Variants in KCNIP2 observed in about 807,000 individuals in gnomAD.
KCNIP2 encodes the protein A-type potassium channel modulatory protein KCNIP2.
Under a neutral mutation model 39.0 loss-of-function variants are expected in KCNIP2, and 19 were observed. That is an observed-to-expected ratio of 0.49 (90% CI 0.34 to 0.71). KCNIP2 has a LOEUF of 0.71. Ranked by LOEUF, KCNIP2 falls within the 30% of genes least tolerant of loss-of-function variation. KCNIP2 has a pLI of 0.01. For synonymous variants in KCNIP2, 111 were observed against 131.2 expected, an observed-to-expected ratio of 0.85 and a Z score of 1.05; for missense variants, 261 against 346.0, an observed-to-expected ratio of 0.75 and a Z score of 1.95.
At chr10:101,830,015 C>G (rs560298441) in intron 2 of KCNIP2, 118 bp from the exon 3 acceptor site, 5 of 1,178,692 alleles carry the variant, frequency 4.2e-6, no homozygotes, top group Non-Finnish European at 4.8e-6. Context: ...GCACACCCAA[C>G]CAGCACAGAC....
Position 101,828,887 on chromosome 10 carries a change from T to G in KCNIP2, c.348+188A>C. ...ACAAATAAAAAACATGGAACGAAACTGACAGTCTACAGGCGCCACTTCCGT... is the reference window on the plus strand; with the variant it reads ...ACAAATAAAAAACATGGAACGAAACGGACAGTCTACAGGCGCCACTTCCGT... On this transcript the variant is annotated intron_variant, in intron 4 of 9. Coordinates refer to ENST00000356640, the MANE Select transcript of KCNIP2 (RefSeq NM_173191.3). This position sits in a 1 kb window ranked among gnomAD's most constrained non-coding sequence, Gnocchi z 6.6. 1 of 1,541,846 alleles carries G rather than the reference T, an allele frequency of 6.5e-7. No individual in the cohort carries two copies. Among genetic ancestry groups the G allele is most frequent in the Non-Finnish European group, 8.7e-7 (1 of 1,142,910 alleles).
chr10:101,829,993 G>A (rs978354239), intron 2 of KCNIP2, 96 bp from the exon 3 acceptor site: 5 of 1,430,230 alleles, frequency 3.5e-6, no homozygotes, highest in Non-Finnish European at 4.8e-6. Flanking sequence ...TCACAACCCA[G>A]CCCGTGCAAA....
chr10:101,837,782 G>A (rs1589876219), intron 1 of KCNIP2, among the ~76,000 whole-genome samples: 1 of 152,168 alleles, frequency 6.6e-6, no homozygotes, highest in East Asian at 1.9e-4. Flanking sequence ...AGGGCCTACA[G>A]CTTAGTTTAG....
Position 101,828,786 on chromosome 10 carries a change from G to A in KCNIP2, c.349-90C>T. 1 of 1,609,174 alleles carries A rather than the reference G, an allele frequency of 6.2e-7. No homozygotes were observed. Among genetic ancestry groups the A allele is most frequent in the African/African-American group, 1.3e-5 (1 of 74,920 alleles). ...CTCCATGGCCCAAGACTCCCAGGGA[G>A]GGGGATAATCTTCAAGCCTCCAGAG... On this transcript the variant is annotated intron_variant, in intron 4 of 9. Coordinates refer to ENST00000356640, the MANE Select transcript of KCNIP2 (RefSeq NM_173191.3). This position sits in a 1 kb window ranked among gnomAD's most constrained non-coding sequence, Gnocchi z 6.6.
chr10:101,840,545 C>A, intron 1 of KCNIP2, among the ~76,000 whole-genome samples: 1 of 27,838 alleles, frequency 3.6e-5, no homozygotes, highest in Non-Finnish European at 7.1e-5. Flanking sequence ...AAGAGCCCCC[C>A]CCGCACCCCC....
At chr10:101,842,568 G>T (rs1343056160) in intron 1 of KCNIP2, among the ~76,000 whole-genome samples, 3 of 152,236 alleles carry the variant, frequency 2.0e-5, no homozygotes, top group Admixed American at 6.5e-5. Flanking sequence ...TTGGTGTGGG[G>T]AGAGAGGGCT....
rs1220005233 is a variant in KCNIP2 at position 101,828,377 on chromosome 10, C to T, written c.489+12G>A. 21 of 1,614,056 alleles carry T rather than the reference C, an allele frequency of 1.3e-5. No homozygotes were observed. The highest frequency in any genetic ancestry group is 1.6e-4 in the Middle Eastern group (1 of 6,062). On this transcript the variant is annotated intron_variant, in intron 6 of 9. Transcript: ENST00000356640. The surrounding 1 kb of genome is among the most constrained non-coding windows in gnomAD (Gnocchi z 6.6). Reference sequence around the variant, plus strand: ...GGAAACAGGCTTCCCTGGCCCACCTCGCCCAGCTCACCTCAAAACTGACCG... The same window carrying T: ...GGAAACAGGCTTCCCTGGCCCACCTTGCCCAGCTCACCTCAAAACTGACCG...
At chr10:101,830,282 A>C in intron 2 of KCNIP2, 2 of 734,920 alleles carry the variant, frequency 2.7e-6, no homozygotes, top group Non-Finnish European at 3.9e-6. Context: ...TGGCACAGAA[A>C]ACCCAAATAC....
At chr10:101,827,439 GA>G in intron 9 of KCNIP2, 39 bp from the exon 10 acceptor site, 1 of 1,580,852 alleles carries the variant, frequency 6.3e-7, no homozygotes, top group Non-Finnish European at 8.7e-7. Flanking sequence ...TGAAGAGAGA[GA>G]AAGAGAAGGA....
At chr10:101,830,681 CCACACACACA>C (rs61337190) in intron 2 of KCNIP2, among the ~76,000 whole-genome samples, 2,965 of 145,290 alleles carry the variant, frequency 0.02, 40 homozygotes, top group Non-Finnish European at 0.032. Flanking sequence ...CTGGTCACGC[CCACACACACA>C]CACACACACA....
In KCNIP2 at chr10:101,827,073, G is replaced by C. The variant is rs1014852079; in HGVS notation, c.*280C>G. The C allele has an allele frequency of 8.0e-6, 4 of 497,164 alleles. No individual in the cohort carries two copies. Among genetic ancestry groups the C allele is most frequent in the Non-Finnish European group, 1.2e-5 (4 of 324,840 alleles). The allele number at this position is 497,164 out of a possible 1,614,324, so 30.8% of individuals were successfully genotyped here. On this transcript the variant is annotated 3_prime_UTR_variant, in exon 10 of 10. Transcript: ENST00000356640. ...GAGTAGGGGTAGGAGGTGGGGAACC[G>C]CTCAATTCCTACAGGAGGGGCACTC...
chr10:101,830,455 G>T, intron 2 of KCNIP2: 1 of 1,285,526 alleles, frequency 7.8e-7, no homozygotes, highest in Admixed American at 2.4e-5. Context: ...CCTCACGGCC[G>T]CCTGGTCTAC....
At chr10:101,839,766 C>A in intron 1 of KCNIP2, 1 of 1,612,934 alleles carries the variant, frequency 6.2e-7, no homozygotes, top group Admixed American at 1.7e-5. Flanking sequence ...GGGACAGCGA[C>A]CCAGTCACCA....
chr10:101,834,727 A>G (rs1034515607), intron 1 of KCNIP2, among the ~76,000 whole-genome samples: 1 of 152,220 alleles, frequency 6.6e-6, no homozygotes, highest in African/African-American at 2.4e-5. Context: ...GGGAAGGGGC[A>G]GAGGGAGGAG....
In KCNIP2 at chr10:101,843,067, C is replaced by T. The variant is rs1040003167; in HGVS notation, c.73+429G>A. ...ACAACTTCATCAGTACAACCAGGGT[C>T]CTACGCAAACTCAAACATCTGACGA... On this transcript the variant is annotated intron_variant, in intron 1 of 9. Coordinates refer to ENST00000356640, the MANE Select transcript of KCNIP2 (RefSeq NM_173191.3). The surrounding 1 kb of genome is among the most constrained non-coding windows in gnomAD (Gnocchi z 6.7). Among the ~76,000 whole-genome samples, 3 of 152,176 alleles carry T rather than the reference C, an allele frequency of 2.0e-5. No individual in the cohort carries two copies. The highest frequency in any genetic ancestry group is 7.2e-5 in the African/African-American group (3 of 41,428).
intron 1 of KCNIP2, among the ~76,000 whole-genome samples, chr10:101,831,846 T>C (rs1197988649): frequency 6.6e-6 from 1 of 152,192 alleles, no homozygotes; most frequent in East Asian, 1.9e-4. Flanking sequence ...ATTGTGACCT[T>C]ATAACATTAT....
intron 1 of KCNIP2, among the ~76,000 whole-genome samples, chr10:101,835,461 G>C (rs549625452): frequency 6.6e-6 from 1 of 152,114 alleles, no homozygotes; most frequent in Non-Finnish European, 1.5e-5. Flanking sequence ...GGGAGAGGAG[G>C]GGGGACTGTG....
intron 8 of KCNIP2, 32 bp downstream of exon 8, chr10:101,827,857 C>T (rs1365355142): frequency 2.5e-6 from 4 of 1,575,944 alleles, no homozygotes; most frequent in East Asian, 2.2e-5. Flanking sequence ...CCCTTCACTC[C>T]AGGGCCCTCC....
chr10:101,829,308 G>A, intron 3 of KCNIP2, 109 bp from the exon 4 acceptor site: 8 of 1,375,016 alleles, frequency 5.8e-6, no homozygotes, highest in Non-Finnish European at 7.7e-6. Context: ...TCCGATGCCG[G>A]AGACCAGGCT....
Sources: gnomAD v4.1 joint callset for allele counts (sites outside exome capture counted in the v4.1 genomes callset) on GRCh38, gnomAD v4.1.1 for gene constraint, Gnocchi (gnomAD v3.1) non-coding constraint, MANE v1.5 for transcripts, NCBI Gene and HGNC (gene_info 2026-07-23, HGNC 2026-07-21) for gene names.